Variants in TMTC2 observed in about 807,000 individuals in gnomAD.
TMTC2 encodes transmembrane O-mannosyltransferase targeting cadherins 2.
TMTC2 carries 43 observed loss-of-function variants against 82.4 expected under a neutral mutation model. The ratio of observed to expected loss-of-function variants is 0.52; its 90% CI spans 0.41 to 0.67. The LOEUF (loss-of-function observed/expected upper bound fraction) is 0.67. TMTC2 is among the 30% of genes least tolerant of loss of function. TMTC2 has a pLI of 0.00. For missense variants in TMTC2, 919 were observed against 1,012.4 expected (o/e 0.91, Z 1.25); for synonymous variants, 408 against 381.9 (o/e 1.07, Z -0.80).
intron 2 of TMTC2, among the ~76,000 whole-genome samples, chr12:82,862,903 A>C (rs950984824): frequency 6.6e-6 from 1 of 152,212 alleles, no homozygotes; most frequent in African/African-American, 2.4e-5. Context: ...ATATTCTATT[A>C]AAGATTTTTG....
rs139083280 is a variant in TMTC2 at position 82,954,654 on chromosome 12, G to T, written c.1599-10370G>T. 8.0e-3 allele frequency among the ~76,000 whole-genome samples: 1,222 copies of T among 152,276 alleles called. 19 individuals are homozygous for T. The highest frequency in any genetic ancestry group is 0.028 in the African/African-American group (1,162 of 41,538). Reference sequence around the variant, plus strand: ...TTACTGAAATATGTACTCTTGAAAAGCATACTTTCATCTCCTAATGTGCTT... The same window carrying T: ...TTACTGAAATATGTACTCTTGAAAATCATACTTTCATCTCCTAATGTGCTT... On this transcript the variant is annotated intron_variant, in intron 4 of 11. Coordinates refer to ENST00000321196, the MANE Select transcript of TMTC2 (RefSeq NM_152588.3).
rs1885335473 is a variant in TMTC2 at position 83,133,554 on chromosome 12, A to G, written c.*1165A>G. On this transcript the variant is annotated 3_prime_UTR_variant, in exon 12 of 12. Coordinates refer to ENST00000321196, the MANE Select transcript of TMTC2 (RefSeq NM_152588.3). ...GCAATAGAGTGTAGCATTAGCCTGCATGTTTCTAGGTCTTCTGCCAAGTGC... is the reference window on the plus strand; with the variant it reads ...GCAATAGAGTGTAGCATTAGCCTGCGTGTTTCTAGGTCTTCTGCCAAGTGC... The G allele has an allele frequency of 6.6e-6, 1 of 152,204 alleles. No individual in the cohort carries two copies. The highest frequency in any genetic ancestry group is 6.5e-5 in the Admixed American group (1 of 15,288). The allele number at this position is 152,204 out of a possible 1,614,324, so 9.4% of individuals were successfully genotyped here. A position where few individuals can be genotyped will look rare whatever the true frequency, so the allele number is the denominator to read the frequency against.
intron 8 of TMTC2, among the ~76,000 whole-genome samples, chr12:83,013,888 G>A (rs1168958725): frequency 6.6e-6 from 1 of 152,096 alleles, no homozygotes; most frequent in South Asian, 2.1e-4. Context: ...ATATTTCTAG[G>A]GCGAGGTGGG....
At chr12:82,921,116 G>A (rs1216171031) in intron 3 of TMTC2, among the ~76,000 whole-genome samples, 1 of 151,736 alleles carries the variant, frequency 6.6e-6, no homozygotes, top group Non-Finnish European at 1.5e-5. Flanking sequence ...AGTTCTGAGA[G>A]GATAACTCAT....
chr12:82,722,199 CA>C (rs1156309281), intron 1 of TMTC2, among the ~76,000 whole-genome samples: 3 of 152,088 alleles, frequency 2.0e-5, no homozygotes, highest in Non-Finnish European at 4.4e-5. Context: ...TATTCTCACA[CA>C]GAAACATACT....
intron 8 of TMTC2, among the ~76,000 whole-genome samples, chr12:83,017,882 G>T (rs983101102): frequency 2.0e-5 from 3 of 151,094 alleles, no homozygotes; most frequent in African/African-American, 7.3e-5. Context: ...TGTCAGAACC[G>T]GACTAGAACT....
At chr12:83,015,290 T>C (rs759739375) in intron 8 of TMTC2, among the ~76,000 whole-genome samples, 1 of 152,216 alleles carries the variant, frequency 6.6e-6, no homozygotes, top group Non-Finnish European at 1.5e-5. Flanking sequence ...TTGCACTGTA[T>C]TTATAGCAGT....
At chr12:82,894,293 T>G (rs188951207) in intron 2 of TMTC2, among the ~76,000 whole-genome samples, 111 of 152,110 alleles carry the variant, frequency 7.3e-4, no homozygotes, top group Non-Finnish European at 8.5e-4. Flanking sequence ...TTGAGGATCA[T>G]TAGGTTGAAG....
At chr12:83,108,021 T>G (rs1431152261) in intron 11 of TMTC2, among the ~76,000 whole-genome samples, 1 of 152,126 alleles carries the variant, frequency 6.6e-6, no homozygotes, top group Admixed American at 6.6e-5. Context: ...CTCTTCTTCC[T>G]TCTGCTCTGG....
intron 1 of TMTC2, among the ~76,000 whole-genome samples, chr12:82,761,470 T>C (rs923320215): frequency 2.0e-5 from 3 of 152,222 alleles, no homozygotes; most frequent in Non-Finnish European, 2.9e-5. Context: ...CATCCAGTCC[T>C]CACAGATTCA....
chr12:82,975,897 T>TTA (rs1491449159), intron 7 of TMTC2, among the ~76,000 whole-genome samples: 2 of 151,482 alleles, frequency 1.3e-5, no homozygotes, highest in African/African-American at 4.9e-5. Flanking sequence ...AACTTTTTTT[T>TTA]AAAAAAAAAA....
chr12:83,056,022 C>T (rs1882531097), intron 10 of TMTC2, among the ~76,000 whole-genome samples: 1 of 151,824 alleles, frequency 6.6e-6, no homozygotes, highest in South Asian at 2.1e-4. Flanking sequence ...TATTTTACAC[C>T]TGACTGATGG....
intron 1 of TMTC2, among the ~76,000 whole-genome samples, chr12:82,768,780 T>A (rs892074409): frequency 6.6e-6 from 1 of 151,786 alleles, no homozygotes; most frequent in Non-Finnish European, 1.5e-5. Flanking sequence ...GCCTATAGTA[T>A]TTTTTTTCAG....
intron 3 of TMTC2, among the ~76,000 whole-genome samples, chr12:82,920,858 G>T (rs1875350462): frequency 6.6e-6 from 1 of 152,052 alleles, no homozygotes; most frequent in Non-Finnish European, 1.5e-5. Context: ...AAGAAGAATG[G>T]ATAAATATAC....
chr12:82,806,287 A>G (rs1442542041), intron 1 of TMTC2, among the ~76,000 whole-genome samples: 1 of 152,176 alleles, frequency 6.6e-6, no homozygotes, highest in Non-Finnish European at 1.5e-5. Context: ...TCAATTAGTC[A>G]CACAAGTACA....
chr12:82,873,940 A>C (rs1210179096), intron 2 of TMTC2, among the ~76,000 whole-genome samples: 1 of 152,202 alleles, frequency 6.6e-6, no homozygotes, highest in Non-Finnish European at 1.5e-5. Flanking sequence ...TGCTTCCTAG[A>C]GGCAAATTCA....
In TMTC2 at chr12:83,004,722, A is replaced by ATTTTTTTTT. The variant is rs528076999; in HGVS notation, c.2070+18713_2070+18721dup. ...TTCACAGGCAGTGTATACTGGCCGA[A>ATTTTTTTTT]TTTTTTTTTTTTTTTTTTTTTTTTT... On this transcript the variant is annotated intron_variant, in intron 8 of 11. Coordinates refer to ENST00000321196, the MANE Select transcript of TMTC2 (RefSeq NM_152588.3). Among the ~76,000 whole-genome samples the ATTTTTTTTT allele has an allele frequency of 1.9e-3, 68 of 36,034 alleles. 23 individuals carry two copies. Among genetic ancestry groups the ATTTTTTTTT allele is most frequent in the Admixed American group, 4.1e-3 (9 of 2,212 alleles). The allele number at this position is 36,034 out of a possible 152,430, so 23.6% of individuals were successfully genotyped here. A position where few individuals can be genotyped will look rare whatever the true frequency, so the allele number is the denominator to read the frequency against.
chr12:82,766,167 C>T (rs1209850934), intron 1 of TMTC2, among the ~76,000 whole-genome samples: 1 of 152,192 alleles, frequency 6.6e-6, no homozygotes, highest in Admixed American at 6.5e-5. Flanking sequence ...CAAATTTCTA[C>T]CTATGTTCAA....
intron 11 of TMTC2, among the ~76,000 whole-genome samples, chr12:83,130,157 T>C (rs552069149): frequency 6.6e-6 from 1 of 152,330 alleles, no homozygotes; most frequent in East Asian, 1.9e-4. Context: ...AATCTGAACA[T>C]TGTATCTACT....
Sources: allele counts gnomAD v4.1 joint callset (sites outside exome capture counted in the v4.1 genomes callset), GRCh38; gene constraint gnomAD v4.1.1; transcripts MANE v1.5; gene names NCBI Gene and HGNC (gene_info 2026-07-23, HGNC 2026-07-21).